The following LHX2 variants were observed in gnomAD, a reference collection of about 807,000 sequenced individuals.
LHX2 encodes the protein LIM/homeobox protein Lhx2.
Under a neutral mutation model 33.0 loss-of-function variants are expected in LHX2, and 6 were observed. The ratio of observed to expected loss-of-function variants is 0.18; its 90% CI spans 0.10 to 0.36. LHX2 has a LOEUF of 0.36. Ranked by LOEUF, LHX2 falls within the 10% of genes least tolerant of loss-of-function variation. LHX2 has a pLI of 1.00. For missense variants in LHX2, 442 were observed against 586.2 expected (o/e 0.75, Z 2.54); for synonymous variants, 292 against 253.1 (o/e 1.15, Z -1.46).
At chr9:124,027,484 A>G (rs900839403) in intron 4 of LHX2, among the ~76,000 whole-genome samples, 4 of 152,192 alleles carry the variant, frequency 2.6e-5, no homozygotes, top group African/African-American at 9.7e-5. Flanking sequence ...ATAAGGACCA[A>G]ATGAGTTAAT....
At chr9:124,013,912 CCGCTG>C in intron 1 of LHX2, 44 bp from the exon 2 acceptor site, 1 of 1,574,440 alleles carries the variant, frequency 6.4e-7, no homozygotes, top group Admixed American at 1.7e-5. Context: ...GGCGGAGGGG[CCGCTG>C]GCTGACGCAG....
At position 124,016,865 on chromosome 9, in the gene LHX2, G is replaced by T. The variant is rs1045093118; in HGVS notation, c.727+1340G>T. Among the ~76,000 whole-genome samples the T allele has an allele frequency of 1.3e-5, 2 of 152,030 alleles. No individual in the cohort carries two copies. The highest frequency in any genetic ancestry group is 4.8e-5 in the African/African-American group (2 of 41,388). ...CCTCTCCTACCACCCCCCAAAAAAA[G>T]ACAAAACCGAGTTCAGACCGGCTCC... On this transcript the variant is annotated intron_variant, in intron 3 of 4. Transcript: ENST00000373615. This position sits in a 1 kb window ranked among gnomAD's most constrained non-coding sequence, Gnocchi z 4.4.
At chr9:124,031,379 A>C (rs1227704529) in intron 4 of LHX2, among the ~76,000 whole-genome samples, 1 of 152,140 alleles carries the variant, frequency 6.6e-6, no homozygotes, top group Non-Finnish European at 1.5e-5. Context: ...TGACCACAAA[A>C]CATTTAAAAC....
intron 4 of LHX2, among the ~76,000 whole-genome samples, chr9:124,030,264 G>C (rs1418378189): frequency 3.9e-5 from 6 of 152,262 alleles, no homozygotes; most frequent in Admixed American, 3.9e-4. Context: ...GTGGTCCCAA[G>C]GGGTGCGTGG....
At position 124,015,489 on chromosome 9, in the gene LHX2, C is replaced by T. The variant is rs571577241; in HGVS notation, c.691C>T (p.Pro231Ser). Residue 231 changes from proline to serine, a missense_variant, in exon 3 of 5, where the codon CCG becomes TCG. Physicochemically the swap from Pro to Ser is moderately conservative, Grantham distance 74. This residue lies in a region of LHX2 where 132 missense variants were observed against 139.1 expected (regional missense o/e 0.95). Coordinates refer to ENST00000373615, the MANE Select transcript of LHX2 (RefSeq NM_004789.4). The surrounding 1 kb of genome is among the most constrained non-coding windows in gnomAD (Gnocchi z 7.9). ...GGGGCGGCCGAGGAAACGTAAGAGC[C>T]CGGGCCCCGGTGCGGATCTGGCGGC... ...QKGRPRKRKS[P>S]GPGADLAAYN... 6.8e-7 allele frequency: 1 copy of T among 1,481,036 alleles called. No homozygotes were observed. Among genetic ancestry groups the T allele is most frequent in the South Asian group, 1.4e-5 (1 of 71,690 alleles). The allele number at this position is 1,481,036 out of a possible 1,614,324, so 91.7% of individuals were successfully genotyped here.
rs1165658221 is a variant in LHX2, at chr9:124,015,565, G to A, written c.727+40G>A. ...CACGAAGCGCCCCCATAGGGTTGGG[G>A]GAAAGTGTGCGGCCTCGACGGCCGG... is the stretch of plus-strand genomic sequence containing the variant. On this transcript the variant is annotated intron_variant, in intron 3 of 4. Coordinates refer to ENST00000373615, the MANE Select transcript of LHX2 (RefSeq NM_004789.4). This position sits in a 1 kb window ranked among gnomAD's most constrained non-coding sequence, Gnocchi z 7.9. 1 of 1,445,754 alleles carries A rather than the reference G, an allele frequency of 6.9e-7. No individual in the cohort carries two copies. The highest frequency in any genetic ancestry group is 9.1e-7 in the Non-Finnish European group (1 of 1,096,754). 89.6% of individuals were successfully genotyped at this position (1,445,754 alleles called of 1,614,324 possible).
rs1828709321 is a variant in LHX2, at chr9:124,032,042, C to G, written c.934-378C>G. On this transcript the variant is annotated intron_variant, in intron 4 of 4. Coordinates refer to ENST00000373615, the MANE Select transcript of LHX2 (RefSeq NM_004789.4). The surrounding 1 kb of genome is among the most constrained non-coding windows in gnomAD (Gnocchi z 4.1). ...TTGAAGCCTGGAGTTTGAGACCAGC[C>G]TGGTCAACATTGCAAGACCCCGTCT... 1.1e-5 allele frequency: 2 copies of G among 174,472 alleles called. No individual in the cohort carries two copies. Among genetic ancestry groups the G allele is most frequent in the South Asian group, 3.4e-4 (2 of 5,884 alleles). The allele number at this position is 174,472 out of a possible 1,614,324, so 10.8% of individuals were successfully genotyped here. A position where few individuals can be genotyped will look rare whatever the true frequency, so the allele number is the denominator to read the frequency against.
chr9:124,023,176 C>T (rs1859324210), intron 4 of LHX2, among the ~76,000 whole-genome samples: 1 of 152,208 alleles, frequency 6.6e-6, no homozygotes, highest in Non-Finnish European at 1.5e-5. Flanking sequence ...CTTAGTAGGA[C>T]CCTTCGTCCT....
At position 124,016,203 on chromosome 9, in the gene LHX2, C is replaced by A. The variant is rs879829100; in HGVS notation, c.727+678C>A. ...CGAGCCCCCCGGGCGGGGACGAGAC[C>A]GGAGCAGGCCTGGCCTCGCGCCGGG... On this transcript the variant is annotated intron_variant, in intron 3 of 4. Coordinates refer to ENST00000373615, the MANE Select transcript of LHX2 (RefSeq NM_004789.4). The surrounding 1 kb of genome is among the most constrained non-coding windows in gnomAD (Gnocchi z 4.4). Among the ~76,000 whole-genome samples the A allele has an allele frequency of 2.6e-4, 28 of 106,766 alleles. No individual in the cohort carries two copies. The highest frequency in any genetic ancestry group is 3.6e-4 in the Non-Finnish European group (20 of 55,602). 70.0% of individuals were successfully genotyped at this position (106,766 alleles called of 152,430 possible).
At chr9:124,028,475 C>G (rs1360745802) in intron 4 of LHX2, among the ~76,000 whole-genome samples, 1 of 152,168 alleles carries the variant, frequency 6.6e-6, no homozygotes, top group African/African-American at 2.4e-5. Context: ...GAATCCCAGC[C>G]TGTCAGAACC....
In LHX2 at chr9:124,014,602, A is replaced by G. The variant is rs1191151326; in HGVS notation, c.323+439A>G. Among the ~76,000 whole-genome samples, 1 of 152,170 alleles carries G rather than the reference A, an allele frequency of 6.6e-6. No homozygotes were observed. The highest frequency in any genetic ancestry group is 2.4e-5 in the African/African-American group (1 of 41,434). On this transcript the variant is annotated intron_variant, in intron 2 of 4. Transcript: ENST00000373615. This position sits in a 1 kb window ranked among gnomAD's most constrained non-coding sequence, Gnocchi z 4.8. ...TTCCAGGTCTTTTGAGAAAATGGGA[A>G]TGAAAGGTGGCCAAGATCAAAGAAC... is the stretch of plus-strand genomic sequence containing the variant.
At position 124,016,276 on chromosome 9, in the gene LHX2, A is replaced by G. The variant is rs1364753560; in HGVS notation, c.727+751A>G. 6.6e-6 allele frequency among the ~76,000 whole-genome samples: 1 copy of G among 152,056 alleles called. No individual in the cohort carries two copies. Among genetic ancestry groups the G allele is most frequent in the African/African-American group, 2.4e-5 (1 of 41,410 alleles). On this transcript the variant is annotated intron_variant, in intron 3 of 4. Transcript: ENST00000373615. This position sits in a 1 kb window ranked among gnomAD's most constrained non-coding sequence, Gnocchi z 4.4. ...GGGGGGCTTGGTTCGGATTTCCGGC[A>G]TCTTTGAACCCCAGGCCATTCCCGG...
intron 4 of LHX2, among the ~76,000 whole-genome samples, chr9:124,027,598 C>G (rs1395792159): frequency 1.3e-5 from 2 of 152,048 alleles, no homozygotes; most frequent in Admixed American, 1.3e-4. Context: ...GTGGGCAGAT[C>G]ACAAGGTCAG....
At chr9:124,020,813 G>A (rs1190978033) in intron 3 of LHX2, among the ~76,000 whole-genome samples, 1 of 152,128 alleles carries the variant, frequency 6.6e-6, no homozygotes, top group Non-Finnish European at 1.5e-5. Context: ...TGCTGCTGCT[G>A]CTACTATTGT....
At position 124,020,793 on chromosome 9, in the gene LHX2, TTGC is replaced by T. The variant is rs112069275; in HGVS notation, c.728-286_728-284del. ...GGCCATCAACAAGTCGTAGCTGTTG[TTGC>T]TGCTGCTGCTGCTGCTGCTACTATT... On this transcript the variant is annotated intron_variant, in intron 3 of 4. Transcript: ENST00000373615. Among the ~76,000 whole-genome samples the T allele has an allele frequency of 1.4e-3, 213 of 152,140 alleles. 2 individuals are homozygous for T. The highest frequency in any genetic ancestry group is 5.0e-3 in the African/African-American group (209 of 41,490).
rs148670244 is a variant in LHX2 at position 124,014,686 on chromosome 9, G to A, written c.324-436G>A. On this transcript the variant is annotated intron_variant, in intron 2 of 4. Coordinates refer to ENST00000373615, the MANE Select transcript of LHX2 (RefSeq NM_004789.4). This position sits in a 1 kb window ranked among gnomAD's most constrained non-coding sequence, Gnocchi z 4.8. ...CTCCTTCTCCCCAGTTTTAGGATTA[G>A]GGTCTATGTATATTCTCTCTGTCTC... Among the ~76,000 whole-genome samples, 254 of 152,304 alleles carry A rather than the reference G, an allele frequency of 1.7e-3. 10 individuals are homozygous for A. Among genetic ancestry groups the A allele is most frequent in the Admixed American group, 0.016 (252 of 15,296 alleles).
In LHX2 at chr9:124,015,829, A is replaced by G. The variant is rs1859180032; in HGVS notation, c.727+304A>G. On this transcript the variant is annotated intron_variant, in intron 3 of 4. Coordinates refer to ENST00000373615, the MANE Select transcript of LHX2 (RefSeq NM_004789.4). This position sits in a 1 kb window ranked among gnomAD's most constrained non-coding sequence, Gnocchi z 7.9. ...CCCACTTTGCTAGGCAGGAAGTGGC[A>G]GGGATGGAGAAAGCAAGGCGGCGCT... Among the ~76,000 whole-genome samples, 1 of 152,212 alleles carries G rather than the reference A, an allele frequency of 6.6e-6. No individual in the cohort carries two copies. Among genetic ancestry groups the G allele is most frequent in the South Asian group, 2.1e-4 (1 of 4,832 alleles).
At chr9:124,017,968 G>T (rs1323259407) in intron 3 of LHX2, among the ~76,000 whole-genome samples, 1 of 151,868 alleles carries the variant, frequency 6.6e-6, no homozygotes, top group East Asian at 1.9e-4. Context: ...CGCACTTTGC[G>T]CCTGGGTTTG....
At chr9:124,031,311 A>G (rs1470966614) in intron 4 of LHX2, among the ~76,000 whole-genome samples, 2 of 152,186 alleles carry the variant, frequency 1.3e-5, no homozygotes, top group Non-Finnish European at 2.9e-5. Flanking sequence ...ACTTCCTCTT[A>G]GTAACTCATT....
Sources: allele counts gnomAD v4.1 joint callset (sites outside exome capture counted in the v4.1 genomes callset), GRCh38; gene constraint gnomAD v4.1.1; regional missense constraint gnomAD v4.1.1; non-coding constraint Gnocchi (gnomAD v3.1); transcripts MANE v1.5; gene names NCBI Gene and HGNC (gene_info 2026-07-23, HGNC 2026-07-21).